ADAMTS20: variants seen among roughly 807,000 people sequenced by gnomAD.
The protein encoded by ADAMTS20 is A disintegrin and metalloproteinase with thrombospondin motifs 20.
Under a neutral mutation model 260.1 loss-of-function variants are expected in ADAMTS20, and 225 were observed. That is an observed-to-expected ratio of 0.87 (90% CI 0.78 to 0.97). The LOEUF is 0.97. Ranked by LOEUF, ADAMTS20 falls within the 50% of genes least tolerant of loss-of-function variation. The probability of loss-of-function intolerance (pLI) is 0.00; values close to 1 mark genes in which losing one functional copy is unlikely to be tolerated. For missense variants in ADAMTS20, 2,400 were observed against 2,337.7 expected (o/e 1.03, Z -0.55); for synonymous variants, 802 against 769.5 (o/e 1.04, Z -0.70).
At chr12:43,542,205 C>G (rs995427518) in intron 2 of ADAMTS20, among the ~76,000 whole-genome samples, 1 of 152,054 alleles carries the variant, frequency 6.6e-6, no homozygotes, top group Non-Finnish European at 1.5e-5. Flanking sequence ...CCCAAACTGT[C>G]TCCAAAATAT....
intron 31 of ADAMTS20, among the ~76,000 whole-genome samples, chr12:43,378,986 A>C (rs1300619780): frequency 6.6e-6 from 1 of 152,138 alleles, no homozygotes; most frequent in Non-Finnish European, 1.5e-5. Flanking sequence ...TCCTATTTCC[A>C]TTCTCTTCTT....
At position 43,492,644 on chromosome 12, in the gene ADAMTS20, C is replaced by T; in HGVS notation, c.952-15G>A. On this transcript the variant is annotated splice_polypyrimidine_tract_variant and intron_variant, in intron 5 of 38. Coordinates refer to ENST00000389420, the MANE Select transcript of ADAMTS20 (RefSeq NM_025003.5). ...ACTGGTCCTTCCTATGCAAAATAAG[C>T]AATGCAATACTATGTCAAAATATTA... The T allele has an allele frequency of 1.9e-6, 3 of 1,612,548 alleles. No individual in the cohort carries two copies. The highest frequency in any genetic ancestry group is 2.5e-6 in the Non-Finnish European group (3 of 1,179,116).
intron 7 of ADAMTS20, among the ~76,000 whole-genome samples, chr12:43,470,054 A>T (rs1942225860): frequency 6.6e-6 from 1 of 152,208 alleles, no homozygotes; most frequent in Admixed American, 6.5e-5. Flanking sequence ...AGAACAAAAA[A>T]ATTATTTCTC....
At chr12:43,475,486 A>G (rs1330256523) in intron 7 of ADAMTS20, among the ~76,000 whole-genome samples, 1 of 148,818 alleles carries the variant, frequency 6.7e-6, no homozygotes, top group Admixed American at 6.8e-5. Context: ...ATTGGAAAAA[A>G]CTACTTTAAA....
intron 37 of ADAMTS20, among the ~76,000 whole-genome samples, chr12:43,367,204 A>G (rs1501439): frequency 6.6e-6 from 1 of 151,992 alleles, no homozygotes; most frequent in Admixed American, 6.6e-5. Context: ...CTATAAGGCC[A>G]CTATTTCTGT....
intron 29 of ADAMTS20, among the ~76,000 whole-genome samples, chr12:43,397,036 C>T (rs773309578): frequency 3.3e-5 from 5 of 152,138 alleles, no homozygotes; most frequent in Non-Finnish European, 7.3e-5. Context: ...GTTTCACACG[C>T]TTAGGGGAAA....
intron 11 of ADAMTS20, among the ~76,000 whole-genome samples, chr12:43,460,382 A>G (rs529387976): frequency 3.3e-5 from 5 of 152,356 alleles, no homozygotes; most frequent in Non-Finnish European, 7.3e-5. Flanking sequence ...TAAAACCACA[A>G]TGAGATTCCA....
intron 2 of ADAMTS20, among the ~76,000 whole-genome samples, chr12:43,545,074 A>G (rs1354059369): frequency 6.6e-6 from 1 of 152,186 alleles, no homozygotes; most frequent in Non-Finnish European, 1.5e-5. Flanking sequence ...CCAGTAAGGA[A>G]GCACTGATCT....
chr12:43,394,810 T>A (rs1463184111), intron 29 of ADAMTS20, among the ~76,000 whole-genome samples: 1 of 152,054 alleles, frequency 6.6e-6, no homozygotes, highest in Non-Finnish European at 1.5e-5. Flanking sequence ...GCCCCCAACA[T>A]TTCCTGCACT....
chr12:43,531,973 C>A, intron 3 of ADAMTS20, 63 bp downstream of exon 3: 3 of 1,052,800 alleles, frequency 2.8e-6, no homozygotes, highest in African/African-American at 1.7e-5. Context: ...AAATTATAAC[C>A]TATAAAAAAA....
chr12:43,517,299 CA>C (rs1943012513), intron 3 of ADAMTS20, among the ~76,000 whole-genome samples: 1 of 151,768 alleles, frequency 6.6e-6, no homozygotes, highest in Non-Finnish European at 1.5e-5. Context: ...GTACCGAATC[CA>C]AAAGAATCAA....
chr12:43,366,418 G>A (rs11182040), intron 37 of ADAMTS20, among the ~76,000 whole-genome samples: 13,602 of 151,804 alleles, frequency 0.09, 1,062 homozygotes, highest in East Asian at 0.45. Context: ...GAACTAAGCA[G>A]AAGATCAACA....
At chr12:43,501,682 T>A (rs1321118561) in intron 4 of ADAMTS20, among the ~76,000 whole-genome samples, 1 of 152,118 alleles carries the variant, frequency 6.6e-6, no homozygotes, top group Non-Finnish European at 1.5e-5. Context: ...GCATTAGTAA[T>A]AATCTATCCC....
intron 29 of ADAMTS20, among the ~76,000 whole-genome samples, chr12:43,390,019 C>G (rs1940564884): frequency 6.6e-6 from 1 of 152,216 alleles, no homozygotes; most frequent in African/African-American, 2.4e-5. Flanking sequence ...GGATGGCCAT[C>G]ATAGCCATTG....
At chr12:43,532,229 T>C in intron 2 of ADAMTS20, 34 bp from the exon 3 acceptor site, 1 of 1,573,770 alleles carries the variant, frequency 6.4e-7, no homozygotes. Context: ...GAATTTTTCC[T>C]AACAGTCGCC....
chr12:43,511,477 T>C lies in ADAMTS20; in HGVS notation c.614-9072A>G, dbSNP rs973363161. Among the ~76,000 whole-genome samples, 3 of 151,820 alleles carry C rather than the reference T, an allele frequency of 2.0e-5. No individual in the cohort carries two copies. In the East Asian group the frequency reaches 5.8e-4, roughly 29 times the overall value. On this transcript the variant is annotated intron_variant, in intron 3 of 38. Transcript: ENST00000389420. Reference sequence around the variant, plus strand: ...CTGCCTTTTATAAGTGCTCAGTAAATGTTCGTGGAAAGAAAGAAAAAGGAT... The same window carrying C: ...CTGCCTTTTATAAGTGCTCAGTAAACGTTCGTGGAAAGAAAGAAAAAGGAT...
At chr12:43,384,040 C>A in intron 29 of ADAMTS20, 63 bp from the exon 30 acceptor site, 1 of 1,414,244 alleles carries the variant, frequency 7.1e-7, no homozygotes, top group Non-Finnish European at 9.5e-7. Context: ...ATAAAAGTAG[C>A]CAATGGAGCC....
At chr12:43,542,095 G>A (rs1033446502) in intron 2 of ADAMTS20, among the ~76,000 whole-genome samples, 5 of 152,118 alleles carry the variant, frequency 3.3e-5, no homozygotes, top group Non-Finnish European at 7.3e-5. Flanking sequence ...GGGCACTGAG[G>A]TGTTATAAAG....
intron 16 of ADAMTS20, among the ~76,000 whole-genome samples, chr12:43,442,669 G>T (rs1344849742): frequency 6.6e-6 from 1 of 152,036 alleles, no homozygotes; most frequent in Non-Finnish European, 1.5e-5. Flanking sequence ...TCTCCAATAT[G>T]GTAGCATATA....
Sources: allele counts gnomAD v4.1 joint callset (sites outside exome capture counted in the v4.1 genomes callset), GRCh38; gene constraint gnomAD v4.1.1; transcripts MANE v1.5; gene names NCBI Gene and HGNC (gene_info 2026-07-23, HGNC 2026-07-21).